PC: variants seen among roughly 807,000 people sequenced by gnomAD.
The protein encoded by PC is pyruvate carboxylase, also known as pyruvate carboxylase, mitochondrial.
A neutral mutation model predicts 107.8 loss-of-function variants in PC; 46 were observed. That is an observed-to-expected ratio of 0.43 (90% CI 0.34 to 0.55). The LOEUF (loss-of-function observed/expected upper bound fraction) is 0.55, where lower values mean the gene tolerates loss of function less well. PC is among the 20% of genes least tolerant of loss of function. PC has a pLI of 0.04. For synonymous variants in PC, 662 were observed against 684.7 expected (o/e 0.97, Z 0.52); for missense variants, 1,241 against 1,643.1 (o/e 0.76, Z 4.23).
intron 3 of PC, among the ~76,000 whole-genome samples, chr11:66,888,650 GA>G (rs1250346703): frequency 6.6e-6 from 1 of 152,202 alleles, no homozygotes. Context: ...TGGTGTCTCC[GA>G]AAGAATGAAG....
intron 3 of PC, among the ~76,000 whole-genome samples, chr11:66,914,000 C>T (rs1410638388): frequency 6.6e-6 from 1 of 152,116 alleles, no homozygotes; most frequent in Non-Finnish European, 1.5e-5. Flanking sequence ...AAGAATGTTG[C>T]CCTCAAAAAA....
intron 3 of PC, among the ~76,000 whole-genome samples, chr11:66,892,785 G>A (rs778079719): frequency 1.7e-4 from 26 of 152,194 alleles, no homozygotes; most frequent in South Asian, 6.2e-4. Flanking sequence ...AACCCAGGAC[G>A]TGGAGGTTGC....
chr11:66,953,898 C>A (rs1289410729), intron 2 of PC, among the ~76,000 whole-genome samples: 1 of 152,130 alleles, frequency 6.6e-6, no homozygotes, highest in African/African-American at 2.4e-5. Context: ...AGAGATGGAT[C>A]TAATAGGACC....
intron 12 of PC, 143 bp from the exon 13 acceptor site, chr11:66,853,526 C>CCGT (rs1945633238): frequency 1.0e-6 from 1 of 962,326 alleles, no homozygotes; most frequent in South Asian, 1.3e-5. Flanking sequence ...GGGCACTTCC[C>CCGT]CGTCCCTCAG....
intron 3 of PC, among the ~76,000 whole-genome samples, chr11:66,896,298 T>C (rs1947756807): frequency 6.6e-6 from 1 of 152,146 alleles, no homozygotes; most frequent in Non-Finnish European, 1.5e-5. Context: ...AAGATGGTCT[T>C]GAACTCCTGG....
At position 66,866,098 on chromosome 11, in the gene PC, C is replaced by T; in HGVS notation, c.1185+89G>A. The stretch of plus-strand genomic sequence containing the variant: ...ATGCGGGTCCTCCCTAACTGCCGGG[C>T]TGTGGCAACTTGGCACTGCAGCCCC... On this transcript the variant is annotated intron_variant, in intron 11 of 22. Coordinates refer to ENST00000393960, the MANE Select transcript of PC (RefSeq NM_001040716.2). This position sits in a 1 kb window ranked among gnomAD's most constrained non-coding sequence, Gnocchi z 5.4. 1 of 1,448,102 alleles carries T rather than the reference C, an allele frequency of 6.9e-7. No individual in the cohort carries two copies. The allele number at this position is 1,448,102 out of a possible 1,614,324, so 89.7% of individuals were successfully genotyped here. A position where few individuals can be genotyped will look rare whatever the true frequency, so the allele number is the denominator to read the frequency against.
intron 3 of PC, among the ~76,000 whole-genome samples, chr11:66,888,884 A>T (rs1227854244): frequency 6.6e-6 from 1 of 151,888 alleles, no homozygotes; most frequent in Non-Finnish European, 1.5e-5. Flanking sequence ...GACCACCCTG[A>T]CCAACATGGT....
rs1565248570 is a variant in PC, at chr11:66,873,298, C to T, written c.1-1139G>A. Reference sequence around the variant, plus strand: ...GAGGTTGCAGTGAGCTGAGATGGCACCACTGTACCAGTCTGGGTGACACAG... The same window carrying T: ...GAGGTTGCAGTGAGCTGAGATGGCATCACTGTACCAGTCTGGGTGACACAG... On this transcript the variant is annotated intron_variant, in intron 3 of 22. Transcript: ENST00000393960. Among the ~76,000 whole-genome samples the T allele has an allele frequency of 2.2e-5, 3 of 138,538 alleles. No homozygotes were observed. The South Asian group carries it at 6.5e-4, about 30-fold the overall frequency. The allele number at this position is 138,538 out of a possible 152,430, so 90.9% of individuals were successfully genotyped here.
At chr11:66,935,697 T>C (rs1948980839) in intron 3 of PC, among the ~76,000 whole-genome samples, 1 of 152,120 alleles carries the variant, frequency 6.6e-6, no homozygotes. Flanking sequence ...CTCTTCCTAG[T>C]GAAGCTGAGA....
intron 3 of PC, among the ~76,000 whole-genome samples, chr11:66,891,709 T>A (rs539300469): frequency 1.2e-4 from 19 of 152,346 alleles, no homozygotes; most frequent in Admixed American, 3.9e-4. Flanking sequence ...AAGTTTTTAA[T>A]ATCAATATTG....
At chr11:66,922,906 C>T (rs1222722744) in intron 3 of PC, among the ~76,000 whole-genome samples, 1 of 152,154 alleles carries the variant, frequency 6.6e-6, no homozygotes, top group Admixed American at 6.5e-5. Context: ...TGAGATTGTC[C>T]TTGTTCCTAG....
At chr11:66,954,764 T>A (rs1949518715) in intron 1 of PC, among the ~76,000 whole-genome samples, 1 of 151,990 alleles carries the variant, frequency 6.6e-6, no homozygotes, top group Admixed American at 6.6e-5. Context: ...CCCAACATAG[T>A]GAAACCCCAT....
At chr11:66,888,720 G>A (rs938854793) in intron 3 of PC, among the ~76,000 whole-genome samples, 1 of 152,252 alleles carries the variant, frequency 6.6e-6, no homozygotes, top group Admixed American at 6.5e-5. Flanking sequence ...AAAATGAAAA[G>A]TTAATGCCAC....
At chr11:66,954,841 G>A (rs1441229122) in intron 1 of PC, among the ~76,000 whole-genome samples, 1 of 152,096 alleles carries the variant, frequency 6.6e-6, no homozygotes, top group African/African-American at 2.4e-5. Context: ...TACTCAGGAG[G>A]CTGAGGCAGG....
intron 3 of PC, among the ~76,000 whole-genome samples, chr11:66,922,104 T>C (rs537403611): frequency 5.3e-5 from 8 of 152,220 alleles, no homozygotes; most frequent in African/African-American, 1.4e-4. Context: ...ACTGACGAAG[T>C]AAAGGGGTTT....
At position 66,870,871 on chromosome 11, in the gene PC, G is replaced by A. The variant is rs1285113283; in HGVS notation, c.655C>T (p.Arg219Trp). 6 of 1,613,110 alleles carry A rather than the reference G, an allele frequency of 3.7e-6. No homozygotes were observed. Among genetic ancestry groups the A allele is most frequent in the South Asian group, 1.1e-5 (1 of 91,090 alleles). The change falls in exon 8 of 23, where the codon CGG (arginine) becomes TGG (tryptophan). Residue 219 changes from arginine (R) to tryptophan (W), a missense_variant. Physicochemically the swap from Arg to Trp is moderately radical, Grantham distance 101. This residue lies in a region of PC where 1,143 missense variants were observed against 1,551.9 expected (regional missense o/e 0.74). Coordinates refer to ENST00000393960, the MANE Select transcript of PC (RefSeq NM_001040716.2). This position sits in a 1 kb window ranked among gnomAD's most constrained non-coding sequence, Gnocchi z 6.1. Reference protein sequence around the residue: ...SYEELEENYTRAYSEALAAFG... With the variant: ...SYEELEENYTWAYSEALAAFG... ...GCGGCCAGAGCCTCTGAGTAGGCCCGGGTGTAATTCTCCTCCAGCTCCTGC... is the reference window on the plus strand; with the variant it reads ...GCGGCCAGAGCCTCTGAGTAGGCCCAGGTGTAATTCTCCTCCAGCTCCTGC...
Position 66,849,272 on chromosome 11 carries a change from C to T in PC, c.3246G>A (p.Gly1082=), listed in dbSNP as rs2135785870. ...CCTTGACCAAGATGGACCGCAGCTG[C>T]CCATTGAGCTCAAAGAAGACCTGCC... ...GQRQVFFELN[G]QLRSILVKDT... is the part of the protein sequence containing the mutation. Residue 1082 remains glycine, a synonymous_variant, in exon 22 of 23, where the codon GGG becomes GGA. Coordinates refer to ENST00000393960, the MANE Select transcript of PC (RefSeq NM_001040716.2). 1 of 1,613,654 alleles carries T rather than the reference C, an allele frequency of 6.2e-7. No individual in the cohort carries two copies. The highest frequency in any genetic ancestry group is 8.5e-7 in the Non-Finnish European group (1 of 1,180,034).
intron 3 of PC, among the ~76,000 whole-genome samples, chr11:66,880,760 A>G (rs1389221662): frequency 6.6e-6 from 1 of 152,256 alleles, no homozygotes; most frequent in Non-Finnish European, 1.5e-5. Context: ...GGCTGGGGCC[A>G]GGCTCCCTCT....
intron 12 of PC, chr11:66,860,564 T>C: frequency 1.4e-6 from 1 of 701,452 alleles, no homozygotes; most frequent in Non-Finnish European, 2.6e-6. Context: ...AGGGTGGGGC[T>C]ACCAGGGCCG....
Sources: allele counts gnomAD v4.1 joint callset (sites outside exome capture counted in the v4.1 genomes callset), GRCh38; gene constraint gnomAD v4.1.1; regional missense constraint gnomAD v4.1.1; non-coding constraint Gnocchi (gnomAD v3.1); transcripts MANE v1.5; gene names NCBI Gene and HGNC (gene_info 2026-07-23, HGNC 2026-07-21).